DLGAP2: variants seen among roughly 807,000 people sequenced by gnomAD.
DLGAP2 encodes DLG associated protein 2.
A neutral mutation model predicts 100.3 loss-of-function variants in DLGAP2; 26 were observed. The ratio of observed to expected loss-of-function variants is 0.26; its 90% CI spans 0.19 to 0.36. The LOEUF (loss-of-function observed/expected upper bound fraction) is 0.36, where lower values mean the gene tolerates loss of function less well. Ranked by LOEUF, DLGAP2 falls within the 10% of genes least tolerant of loss-of-function variation. The probability of loss-of-function intolerance (pLI) is 1.00; values close to 1 mark genes in which losing one functional copy is unlikely to be tolerated. For synonymous variants in DLGAP2, 886 were observed against 630.1 expected, an observed-to-expected ratio of 1.41 and a Z score of -6.08; for missense variants, 1,858 against 1,453.2, an observed-to-expected ratio of 1.28 and a Z score of -4.53.
intron 1 of DLGAP2, among the ~76,000 whole-genome samples, chr8:829,548 A>T (rs1156253892): frequency 1.3e-5 from 2 of 152,266 alleles, no homozygotes; most frequent in East Asian, 3.8e-4. Flanking sequence ...ATAAAGGTAA[A>T]AAGGACCTTC....
intron 8 of DLGAP2, among the ~76,000 whole-genome samples, chr8:1,644,357 C>T (rs930079970): frequency 2.6e-5 from 4 of 152,222 alleles, no homozygotes; most frequent in Admixed American, 6.5e-5. Context: ...CCCAGTGACC[C>T]GGCCCCACCA....
At chr8:1,307,559 T>G (rs547007271) in intron 3 of DLGAP2, among the ~76,000 whole-genome samples, 1 of 152,308 alleles carries the variant, frequency 6.6e-6, no homozygotes, top group South Asian at 2.1e-4. Context: ...CAGATAATTG[T>G]ATACTCATGC....
chr8:1,489,627 A>AC (rs1452684978), intron 3 of DLGAP2, among the ~76,000 whole-genome samples: 1 of 152,224 alleles, frequency 6.6e-6, no homozygotes, highest in Non-Finnish European at 1.5e-5. Flanking sequence ...TTTGGAAAGC[A>AC]CAAAAAATTT....
chr8:1,336,143 T>G (rs1801267988), intron 3 of DLGAP2, among the ~76,000 whole-genome samples: 2 of 152,252 alleles, frequency 1.3e-5, no homozygotes, highest in African/African-American at 4.8e-5. Context: ...GGTGACCCCA[T>G]GGGTCCCTCC....
chr8:1,565,476 A>T (rs1429896824), intron 5 of DLGAP2: 1 of 530,394 alleles, frequency 1.9e-6, no homozygotes, highest in African/African-American at 1.9e-5. Context: ...CATAGTGTTT[A>T]CCTATCACTT....
intron 12 of DLGAP2, among the ~76,000 whole-genome samples, chr8:1,686,339 G>A (rs771823276): frequency 2.0e-5 from 3 of 152,338 alleles, no homozygotes; most frequent in Non-Finnish European, 2.9e-5. Context: ...AGATAAGCCA[G>A]GCACAGAAAG....
chr8:1,009,287 CATT>C (rs1801209987), intron 2 of DLGAP2, among the ~76,000 whole-genome samples: 1 of 152,212 alleles, frequency 6.6e-6, no homozygotes, highest in African/African-American at 2.4e-5. Context: ...GCAGAACAGA[CATT>C]AGAATGTTCC....
chr8:1,433,052 A>T (rs148813797), intron 3 of DLGAP2, among the ~76,000 whole-genome samples: 2 of 152,162 alleles, frequency 1.3e-5, no homozygotes, highest in Non-Finnish European at 2.9e-5. Flanking sequence ...GCCAAGTTTT[A>T]GTCCCAGGGC....
At chr8:1,474,572 A>C (rs2130217065) in intron 3 of DLGAP2, among the ~76,000 whole-genome samples, 1 of 152,312 alleles carries the variant, frequency 6.6e-6, no homozygotes, top group South Asian at 2.1e-4. Context: ...ACCAATGAGT[A>C]GGCACCTCTC....
intron 2 of DLGAP2, among the ~76,000 whole-genome samples, chr8:1,047,284 A>G (rs1802542755): frequency 1.3e-5 from 2 of 152,232 alleles, no homozygotes; most frequent in South Asian, 4.1e-4. Context: ...AAGGTTGTCA[A>G]GCTTCTATAT....
At chr8:1,319,248 C>T (rs943955741) in intron 3 of DLGAP2, among the ~76,000 whole-genome samples, 1 of 152,154 alleles carries the variant, frequency 6.6e-6, no homozygotes. Context: ...CTCAGCTAAG[C>T]TCTCTGGAAT....
intron 14 of DLGAP2, among the ~76,000 whole-genome samples, chr8:1,697,968 C>A (rs1416490823): frequency 1.3e-5 from 2 of 152,198 alleles, no homozygotes; most frequent in African/African-American, 4.8e-5. Flanking sequence ...TAAAGACGTC[C>A]TGAGGAACCA....
intron 3 of DLGAP2, among the ~76,000 whole-genome samples, chr8:1,316,967 C>T (rs183368763): frequency 2.4e-4 from 19 of 80,140 alleles, no homozygotes; most frequent in Non-Finnish European, 4.6e-4. Flanking sequence ...AAAAATAGAG[C>T]GTGTGCAAGT....
At chr8:1,595,577 G>C (rs2130686650) in intron 6 of DLGAP2, among the ~76,000 whole-genome samples, 1 of 149,522 alleles carries the variant, frequency 6.7e-6, no homozygotes, top group South Asian at 2.1e-4. Context: ...TGAGGCAGGA[G>C]AATGGCGTGA....
At chr8:1,526,032 C>G (rs1351079101) in intron 4 of DLGAP2, among the ~76,000 whole-genome samples, 2 of 151,908 alleles carry the variant, frequency 1.3e-5, no homozygotes, top group Non-Finnish European at 2.9e-5. Flanking sequence ...ATCCAAAACT[C>G]TGAACTCCAA....
intron 3 of DLGAP2, among the ~76,000 whole-genome samples, chr8:1,270,853 C>T (rs1391319959): frequency 6.6e-6 from 1 of 151,804 alleles, no homozygotes; most frequent in Admixed American, 6.6e-5. Flanking sequence ...CAGAGTGAAA[C>T]CTCTGCTGTC....
intron 1 of DLGAP2, among the ~76,000 whole-genome samples, chr8:860,009 T>C (rs933740805): frequency 5.9e-5 from 9 of 152,210 alleles, no homozygotes; most frequent in Admixed American, 3.3e-4. Context: ...AAAAAGTAGA[T>C]TAAAGTTACT....
In DLGAP2 at chr8:1,632,845, A is replaced by T. The variant is rs749642714; in HGVS notation, c.1609A>T (p.Asn537Tyr). ...ATTGCAGGTGAGCGAGGCGGAGATC[A>T]ATGGGCAATTCGAGTCCGTGTGCGA... ...CVSQVSEAEI[N>Y]GQFESVCESV... The change falls in exon 8 of 15, where the codon AAT (asparagine) becomes TAT (tyrosine). Residue 537 changes from asparagine to tyrosine, a missense_variant. Physicochemically the swap from Asn to Tyr is moderately radical, Grantham distance 143. Transcript: ENST00000637795. 3.1e-6 allele frequency: 5 copies of T among 1,612,060 alleles called. No homozygotes were observed. The African/African-American group carries it at 6.7e-5, about 22-fold the overall frequency.
intron 2 of DLGAP2, among the ~76,000 whole-genome samples, chr8:1,132,300 T>G (rs1302173594): frequency 1.3e-5 from 2 of 152,200 alleles, no homozygotes; most frequent in Non-Finnish European, 2.9e-5. Context: ...CAGTTTATGT[T>G]AAAGCCTGAG....
Sources: gnomAD v4.1 joint callset for allele counts (sites outside exome capture counted in the v4.1 genomes callset) on GRCh38, gnomAD v4.1.1 for gene constraint, MANE v1.5 for transcripts, NCBI Gene and HGNC (gene_info 2026-07-23, HGNC 2026-07-21) for gene names.